The following AGBL1 variants were observed in gnomAD, a reference collection of about 807,000 sequenced individuals.
AGBL1 encodes the protein cytosolic carboxypeptidase 4.
AGBL1 carries 130 observed loss-of-function variants against 118.9 expected under a neutral mutation model. The ratio of observed to expected loss-of-function variants is 1.09; its 90% CI spans 0.95 to 1.26. AGBL1 has a LOEUF of 1.26. Among genes scored for constraint, AGBL1 ranks in the 50% most tolerant of loss-of-function variants. AGBL1 has a pLI of 0.00. For missense variants in AGBL1, 1,584 were observed against 1,298.1 expected (o/e 1.22, Z -3.38); for synonymous variants, 555 against 478.9 (o/e 1.16, Z -2.08).
Position 86,958,758 on chromosome 15 carries a change from A to C in AGBL1, c.3222-29229A>C, listed in dbSNP as rs12907212. Among the ~76,000 whole-genome samples, 478 of 152,302 alleles carry C rather than the reference A, an allele frequency of 3.1e-3. 3 individuals carry two copies. The highest frequency in any genetic ancestry group is 0.017 in the Middle Eastern group (5 of 294). On this transcript the variant is annotated intron_variant, in intron 23 of 24. Coordinates refer to the AGBL1 transcript ENST00000441037. ...TCAGAAGATATTCATTTTGGCACAG[A>C]TTGTAATAGCAAAAGCATGAAAACA... is the stretch of plus-strand genomic sequence containing the variant.
At chr15:86,553,017 A>G (rs937971945) in intron 20 of AGBL1, among the ~76,000 whole-genome samples, 3 of 152,114 alleles carry the variant, frequency 2.0e-5, no homozygotes, top group African/African-American at 7.2e-5. Context: ...AGAGTAAGAG[A>G]TTTGCTCAAT....
At chr15:86,808,668 T>C (rs796922548) in intron 22 of AGBL1, among the ~76,000 whole-genome samples, 2 of 149,024 alleles carry the variant, frequency 1.3e-5, no homozygotes, top group South Asian at 2.1e-4. Context: ...CTTTCCTCCT[T>C]CCTTTTCTTT....
At position 86,934,123 on chromosome 15, in the gene AGBL1, A is replaced by G. The variant is rs555226619; in HGVS notation, c.3222-53864A>G. On this transcript the variant is annotated intron_variant, in intron 23 of 24. Coordinates refer to the AGBL1 transcript ENST00000441037. ...TGTTTTTTCATCCATTATCTCTTCA[A>G]ATTTATGCTCAGAGGTCAGAATTAT... Among the ~76,000 whole-genome samples, 95 of 152,272 alleles carry G rather than the reference A, an allele frequency of 6.2e-4. 1 individual carries two copies. The highest frequency in any genetic ancestry group is 2.2e-3 in the African/African-American group (93 of 41,546).
At chr15:86,856,134 G>A (rs190870224) in intron 22 of AGBL1, among the ~76,000 whole-genome samples, 8 of 152,296 alleles carry the variant, frequency 5.3e-5, no homozygotes, top group Admixed American at 2.0e-4. Context: ...CAGGCAGGCC[G>A]ACTGTCTTTC....
At chr15:86,640,694 G>C (rs527881829) in intron 21 of AGBL1, among the ~76,000 whole-genome samples, 1 of 151,966 alleles carries the variant, frequency 6.6e-6, no homozygotes, top group African/African-American at 2.4e-5. Flanking sequence ...TTAAGATTTG[G>C]TAATAAGTCA....
chr15:86,920,080 T>C (rs1034446056), downstream of AGBL1, among the ~76,000 whole-genome samples: 1 of 152,178 alleles, frequency 6.6e-6, no homozygotes, highest in South Asian at 2.1e-4. Context: ...ACAGGGAACC[T>C]CCGTGGGTTC....
intron 21 of AGBL1, chr15:86,630,680 G>A (rs1487812223): frequency 1.3e-5 from 2 of 152,202 alleles, no homozygotes; most frequent in Non-Finnish European, 2.9e-5. Context: ...TTAACCTTCT[G>A]TCTTCTGTGA....
intron 23 of AGBL1, among the ~76,000 whole-genome samples, chr15:86,959,254 G>A (rs1313900534): frequency 6.6e-6 from 1 of 152,006 alleles, no homozygotes; most frequent in African/African-American, 2.4e-5. Context: ...AGGTATTCTT[G>A]TCCAATTGAT....
chr15:87,022,773 G>A lies in AGBL1; in HGVS notation c.3324-6052G>A, dbSNP rs28863544. ...AACAGCAGATTTCTCAGCAGAAACC[G>A]TACAAGCTAGAAGGGATTGGGGCCC... is the stretch of plus-strand genomic sequence containing the variant. On this transcript the variant is annotated intron_variant, in intron 24 of 24. Transcript: ENST00000441037. Among the ~76,000 whole-genome samples, 7 of 152,016 alleles carry A rather than the reference G, an allele frequency of 4.6e-5. No homozygotes were observed. In the East Asian group the frequency reaches 5.8e-4, roughly 13 times the overall value.
intron 1 of AGBL1, among the ~76,000 whole-genome samples, chr15:86,114,545 C>T (rs144457141): frequency 1.3e-5 from 2 of 152,330 alleles, no homozygotes; most frequent in Non-Finnish European, 2.9e-5. Flanking sequence ...AGATATTGTA[C>T]TTCCATGATG....
chr15:86,885,833 C>G (rs1184045624), intron 22 of AGBL1, among the ~76,000 whole-genome samples: 2 of 152,154 alleles, frequency 1.3e-5, no homozygotes, highest in Non-Finnish European at 2.9e-5. Flanking sequence ...ATTCATTGCT[C>G]TGTAAACTTC....
intron 23 of AGBL1, among the ~76,000 whole-genome samples, chr15:86,939,255 T>G (rs2080715830): frequency 6.6e-6 from 1 of 152,222 alleles, no homozygotes; most frequent in Non-Finnish European, 1.5e-5. Context: ...TCTAATCAGC[T>G]GCCAGCTCAG....
At chr15:86,814,933 T>G (rs529431138) in intron 22 of AGBL1, among the ~76,000 whole-genome samples, 1 of 152,334 alleles carries the variant, frequency 6.6e-6, no homozygotes, top group South Asian at 2.1e-4. Context: ...GCCTTCTTAG[T>G]AGAAATGTAC....
intron 1 of AGBL1, among the ~76,000 whole-genome samples, chr15:86,132,223 G>C (rs1393877699): frequency 6.6e-6 from 1 of 152,134 alleles, no homozygotes. Context: ...GAATGAGCTG[G>C]GTAGAGGACA....
chr15:86,792,165 A>G (rs532861950), intron 22 of AGBL1, among the ~76,000 whole-genome samples: 1 of 152,220 alleles, frequency 6.6e-6, no homozygotes, highest in Non-Finnish European at 1.5e-5. Flanking sequence ...CTAACTTTCA[A>G]TACCATATAC....
chr15:86,892,414 C>T (rs953288591), intron 22 of AGBL1, among the ~76,000 whole-genome samples: 2 of 152,136 alleles, frequency 1.3e-5, no homozygotes, highest in East Asian at 1.9e-4. Context: ...TCCAGTTCTT[C>T]CTCAGGCAGA....
chr15:86,361,405 A>G (rs757036059), intron 17 of AGBL1, among the ~76,000 whole-genome samples: 24 of 152,230 alleles, frequency 1.6e-4, no homozygotes, highest in Non-Finnish European at 3.4e-4. Context: ...GCAATTGAGA[A>G]GAAAGTCTTC....
intron 22 of AGBL1, among the ~76,000 whole-genome samples, chr15:86,825,712 C>A (rs1286455913): frequency 1.6e-3 from 187 of 119,790 alleles, no homozygotes; most frequent in African/African-American, 5.9e-3. Flanking sequence ...AGGGAGAAAG[C>A]GAGAGAGGGA....
chr15:86,897,715 C>G (rs779343658), intron 22 of AGBL1, among the ~76,000 whole-genome samples: 1 of 147,072 alleles, frequency 6.8e-6, no homozygotes, highest in Non-Finnish European at 1.5e-5. Flanking sequence ...AAATTTTAAT[C>G]ACCTTTTTTT....
Sources: gnomAD v4.1 joint callset for allele counts (sites outside exome capture counted in the v4.1 genomes callset) on GRCh38, gnomAD v4.1.1 for gene constraint, MANE v1.5 for transcripts, NCBI Gene and HGNC (gene_info 2026-07-23, HGNC 2026-07-21) for gene names.